PTPRD: variants seen among roughly 807,000 people sequenced by gnomAD.
The protein encoded by PTPRD is protein tyrosine phosphatase receptor type D.
PTPRD carries 34 observed loss-of-function variants against 214.5 expected under a neutral mutation model. The ratio of observed to expected loss-of-function variants is 0.16; its 90% CI spans 0.12 to 0.21. The LOEUF (loss-of-function observed/expected upper bound fraction) is 0.21, where lower values mean the gene tolerates loss of function less well. Ranked by LOEUF, PTPRD falls within the 10% of genes least tolerant of loss-of-function variation. The pLI, the probability that PTPRD is intolerant of heterozygous loss-of-function variation, is 1.00. For synonymous variants in PTPRD, 1,128 were observed against 845.7 expected (o/e 1.33, Z -5.79); for missense variants, 2,545 against 2,398.7 (o/e 1.06, Z -1.27).
At chr9:8,496,709 A>C (rs545402834) in intron 26 of PTPRD, among the ~76,000 whole-genome samples, 54 of 152,328 alleles carry the variant, frequency 3.5e-4, no homozygotes, top group African/African-American at 1.2e-3. Context: ...AGTCAGATTT[A>C]TGAGCATTAT....
intron 8 of PTPRD, among the ~76,000 whole-genome samples, chr9:9,529,230 C>T (rs2074921897): frequency 6.7e-6 from 1 of 149,928 alleles, no homozygotes; most frequent in African/African-American, 2.5e-5. Context: ...CCACGCCCAC[C>T]GAATTTACCA....
chr9:9,453,150 C>A (rs1037049694), intron 8 of PTPRD, among the ~76,000 whole-genome samples: 1 of 151,356 alleles, frequency 6.6e-6, no homozygotes, highest in Non-Finnish European at 1.5e-5. Flanking sequence ...AACGCCCCCC[C>A]ACACAATGCA....
intron 3 of PTPRD, among the ~76,000 whole-genome samples, chr9:10,298,137 T>C (rs1027651774): frequency 6.6e-5 from 10 of 152,126 alleles, no homozygotes; most frequent in African/African-American, 1.9e-4. Context: ...ACATATATCA[T>C]GAATTTTCTT....
chr9:10,338,215 A>T (rs1036479331), intron 3 of PTPRD, among the ~76,000 whole-genome samples: 1 of 151,622 alleles, frequency 6.6e-6, no homozygotes, highest in African/African-American at 2.4e-5. Context: ...TTCTCAGCAC[A>T]ATTGGCTACC....
intron 8 of PTPRD, among the ~76,000 whole-genome samples, chr9:9,455,267 A>G (rs2092822388): frequency 6.6e-6 from 1 of 151,598 alleles, no homozygotes; most frequent in Non-Finnish European, 1.5e-5. Flanking sequence ...GTAATTAGGC[A>G]CCTTGCCTCA....
At chr9:9,292,624 C>A (rs556999165) in intron 9 of PTPRD, among the ~76,000 whole-genome samples, 1 of 151,498 alleles carries the variant, frequency 6.6e-6, no homozygotes, top group Non-Finnish European at 1.5e-5. Context: ...TAACTAAAAT[C>A]CATACTTTAT....
intron 7 of PTPRD, among the ~76,000 whole-genome samples, chr9:9,690,681 T>C (rs2097253941): frequency 6.6e-6 from 1 of 151,846 alleles, no homozygotes; most frequent in Non-Finnish European, 1.5e-5. Flanking sequence ...TTTTTCCATA[T>C]AGGTTATTCA....
chr9:9,396,600 C>T (rs1480271422), intron 9 of PTPRD, among the ~76,000 whole-genome samples: 1 of 151,978 alleles, frequency 6.6e-6, no homozygotes, highest in Non-Finnish European at 1.5e-5. Flanking sequence ...TATCTTCCTG[C>T]CAACCAGCTC....
chr9:10,093,807 C>A (rs1400036819), intron 3 of PTPRD, among the ~76,000 whole-genome samples: 1 of 151,430 alleles, frequency 6.6e-6, no homozygotes, highest in East Asian at 2.0e-4. Context: ...CAGCTGGAGA[C>A]CATTACCATA....
At chr9:9,217,199 G>C (rs1266226936) in intron 9 of PTPRD, among the ~76,000 whole-genome samples, 2 of 152,000 alleles carry the variant, frequency 1.3e-5, no homozygotes, top group African/African-American at 4.8e-5. Flanking sequence ...CCTAATGTTG[G>C]GGATCCTGGA....
intron 9 of PTPRD, among the ~76,000 whole-genome samples, chr9:9,335,529 C>A (rs2044099160): frequency 6.6e-6 from 1 of 151,986 alleles, no homozygotes; most frequent in East Asian, 1.9e-4. Flanking sequence ...TTGAATTGTT[C>A]TTCCTTGGAA....
chr9:8,807,292 G>T (rs937592440), intron 11 of PTPRD, among the ~76,000 whole-genome samples: 1 of 151,944 alleles, frequency 6.6e-6, no homozygotes, highest in African/African-American at 2.4e-5. Flanking sequence ...AGCCGAGATC[G>T]CACCACTGCA....
intron 3 of PTPRD, among the ~76,000 whole-genome samples, chr9:10,079,783 T>G (rs2098202628): frequency 6.6e-6 from 1 of 152,112 alleles, no homozygotes. Context: ...ACTCAGCAAA[T>G]GCAAAGTCAT....
At chr9:10,098,459 G>T (rs555575823) in intron 3 of PTPRD, among the ~76,000 whole-genome samples, 7 of 151,272 alleles carry the variant, frequency 4.6e-5, no homozygotes, top group African/African-American at 1.7e-4. Flanking sequence ...AAACCTGCAC[G>T]TTGTGCACAT....
chr9:8,833,595 T>C (rs2097344294), intron 11 of PTPRD, among the ~76,000 whole-genome samples: 1 of 151,302 alleles, frequency 6.6e-6, no homozygotes. Context: ...CCATTTTTCA[T>C]ATTGAAAAAA....
At chr9:9,112,167 T>C (rs1307986631) in intron 10 of PTPRD, among the ~76,000 whole-genome samples, 2 of 152,182 alleles carry the variant, frequency 1.3e-5, no homozygotes, top group African/African-American at 4.8e-5. Context: ...CTGATCCTTT[T>C]TGGCATGAAA....
At chr9:9,018,458 A>G (rs1471367418) in intron 11 of PTPRD, among the ~76,000 whole-genome samples, 3 of 152,196 alleles carry the variant, frequency 2.0e-5, no homozygotes, top group South Asian at 2.1e-4. Context: ...CACTCCATCT[A>G]TATACATAAA....
intron 4 of PTPRD, among the ~76,000 whole-genome samples, chr9:10,003,807 C>T (rs1351679925): frequency 6.6e-6 from 1 of 151,692 alleles, no homozygotes; most frequent in African/African-American, 2.4e-5. Flanking sequence ...CTATTATTTT[C>T]CCCAATTTGA....
At chr9:10,486,551 G>C (rs1210703007) in intron 2 of PTPRD, among the ~76,000 whole-genome samples, 1 of 151,960 alleles carries the variant, frequency 6.6e-6, no homozygotes, top group Admixed American at 6.6e-5. Context: ...TGTCTTCTTA[G>C]TTTCTTTATT....
Sources: gnomAD v4.1 joint callset for allele counts (sites outside exome capture counted in the v4.1 genomes callset) on GRCh38, gnomAD v4.1.1 for gene constraint, MANE v1.5 for transcripts, NCBI Gene and HGNC (gene_info 2026-07-23, HGNC 2026-07-21) for gene names.